Variants in CSMD1 observed in about 807,000 individuals in gnomAD.
The protein encoded by CSMD1 is CUB and Sushi multiple domains 1.
In CSMD1, 213 loss-of-function variants were observed where a neutral mutation model predicts 417.5. The observed-to-expected ratio is 0.51, with a 90% CI of 0.46 to 0.57. The LOEUF is 0.57. Ranked by LOEUF, CSMD1 falls within the 20% of genes least tolerant of loss-of-function variation. The probability of loss-of-function intolerance (pLI) is 0.00; values close to 1 mark genes in which losing one functional copy is unlikely to be tolerated. For missense variants in CSMD1, 6,923 were observed against 4,529.7 expected (o/e 1.53, Z -15.17); for synonymous variants, 2,862 against 1,736.8 (o/e 1.65, Z -16.11).
chr8:3,885,330 C>T (rs754826897), intron 5 of CSMD1, among the ~76,000 whole-genome samples: 1 of 152,102 alleles, frequency 6.6e-6, no homozygotes, highest in African/African-American at 2.4e-5. Context: ...TTTATTGGCA[C>T]ACTTAGTGAC....
intron 2 of CSMD1, among the ~76,000 whole-genome samples, chr8:4,543,343 G>A (rs529745961): frequency 6.6e-5 from 10 of 152,064 alleles, no homozygotes; most frequent in East Asian, 3.9e-4. Flanking sequence ...TCCTTTTAGC[G>A]TCCCCATAGT....
chr8:4,042,288 A>G (rs558768285), intron 3 of CSMD1, among the ~76,000 whole-genome samples: 11 of 152,234 alleles, frequency 7.2e-5, no homozygotes, highest in Non-Finnish European at 1.2e-4. Context: ...CATCCCTACT[A>G]GTGGGGGTAG....
intron 1 of CSMD1, among the ~76,000 whole-genome samples, chr8:4,745,727 T>C (rs1810909066): frequency 6.6e-6 from 1 of 152,214 alleles, no homozygotes; most frequent in African/African-American, 2.4e-5. Context: ...TAGCATACTT[T>C]AATGGAGTAA....
At chr8:4,397,984 T>C (rs1804371869) in intron 3 of CSMD1, among the ~76,000 whole-genome samples, 1 of 152,198 alleles carries the variant, frequency 6.6e-6, no homozygotes. Context: ...AAGACTTAGA[T>C]GATTTTTAAA....
chr8:3,736,158 A>C (rs1319925269), intron 6 of CSMD1, among the ~76,000 whole-genome samples: 1 of 152,204 alleles, frequency 6.6e-6, no homozygotes, highest in African/African-American at 2.4e-5. Flanking sequence ...CTGTAATCGC[A>C]TCACATCTGC....
intron 3 of CSMD1, among the ~76,000 whole-genome samples, chr8:4,316,722 T>G (rs531206321): frequency 6.6e-6 from 1 of 152,174 alleles, no homozygotes; most frequent in Non-Finnish European, 1.5e-5. Flanking sequence ...AATGGGATTT[T>G]CAGAACGATA....
chr8:3,849,260 C>T (rs1190499865), intron 5 of CSMD1, among the ~76,000 whole-genome samples: 4 of 152,028 alleles, frequency 2.6e-5, no homozygotes, highest in Non-Finnish European at 5.9e-5. Flanking sequence ...ACCACAGGAA[C>T]ACGGGTGCAT....
intron 10 of CSMD1, among the ~76,000 whole-genome samples, chr8:3,538,829 C>T (rs1207068859): frequency 6.6e-6 from 1 of 152,178 alleles, no homozygotes; most frequent in Non-Finnish European, 1.5e-5. Context: ...AATGTCTCCT[C>T]TCACCTGGAG....
chr8:4,302,114 G>C (rs541354551), intron 3 of CSMD1, among the ~76,000 whole-genome samples: 7 of 152,060 alleles, frequency 4.6e-5, no homozygotes, highest in Non-Finnish European at 5.9e-5. Context: ...TCATTATGTA[G>C]AAGCAAGCTA....
intron 3 of CSMD1, among the ~76,000 whole-genome samples, chr8:4,074,368 A>G (rs1362904549): frequency 6.6e-6 from 1 of 152,138 alleles, no homozygotes; most frequent in Non-Finnish European, 1.5e-5. Flanking sequence ...TAGTCCATAA[A>G]TGATAGCAGT....
chr8:4,841,694 T>C (rs1585196395), intron 1 of CSMD1, among the ~76,000 whole-genome samples: 1 of 152,166 alleles, frequency 6.6e-6, no homozygotes. Context: ...GCGGATCATC[T>C]GAGGTCAGGA....
intron 46 of CSMD1, 147 bp downstream of exon 46, chr8:3,106,381 G>T (rs1029836997): frequency 3.7e-6 from 2 of 545,668 alleles, no homozygotes. Flanking sequence ...CTGGGTGACA[G>T]AGTAAGACCC....
chr8:4,836,425 G>T (rs540132691), intron 1 of CSMD1, among the ~76,000 whole-genome samples: 1 of 152,170 alleles, frequency 6.6e-6, no homozygotes, highest in Non-Finnish European at 1.5e-5. Context: ...CAGCCAGGGG[G>T]AAGAGATTTG....
intron 68 of CSMD1, among the ~76,000 whole-genome samples, chr8:2,948,385 T>C (rs1773480694): frequency 6.6e-6 from 1 of 151,968 alleles, no homozygotes; most frequent in African/African-American, 2.4e-5. Context: ...GATCTGATGA[T>C]TGTTTCCACA....
chr8:4,162,277 T>C (rs533515299), intron 3 of CSMD1, among the ~76,000 whole-genome samples: 4 of 152,216 alleles, frequency 2.6e-5, no homozygotes, highest in African/African-American at 9.6e-5. Context: ...GATTTTCCAA[T>C]AATAAAGTTT....
chr8:4,931,085 G>A (rs927745508), intron 1 of CSMD1, among the ~76,000 whole-genome samples: 1 of 151,988 alleles, frequency 6.6e-6, no homozygotes, highest in Admixed American at 6.6e-5. Flanking sequence ...GGAAATTCAG[G>A]CAATTATATA....
At chr8:4,757,678 G>C (rs546920205) in intron 1 of CSMD1, among the ~76,000 whole-genome samples, 14 of 152,236 alleles carry the variant, frequency 9.2e-5, no homozygotes, top group Admixed American at 6.5e-4. Flanking sequence ...GCGACATTAT[G>C]CTGGGCATGG....
chr8:3,274,574 T>C (rs548033281), intron 26 of CSMD1, among the ~76,000 whole-genome samples: 7 of 152,252 alleles, frequency 4.6e-5, no homozygotes, highest in African/African-American at 1.7e-4. Context: ...AGTCTCTTTG[T>C]AGGTCACTCA....
intron 2 of CSMD1, among the ~76,000 whole-genome samples, chr8:4,542,523 A>T (rs1326567919): frequency 6.6e-6 from 1 of 152,206 alleles, no homozygotes; most frequent in African/African-American, 2.4e-5. Flanking sequence ...CTCCTTTATG[A>T]ATGCTGTTGC....
Sources: gnomAD v4.1 joint callset for allele counts (sites outside exome capture counted in the v4.1 genomes callset) on GRCh38, gnomAD v4.1.1 for gene constraint, MANE v1.5 for transcripts, NCBI Gene and HGNC (gene_info 2026-07-23, HGNC 2026-07-21) for gene names.